The following CEP63 variants were observed in gnomAD, a reference collection of about 807,000 sequenced individuals.
CEP63 encodes centrosomal protein of 63 kDa.
Under a neutral mutation model 89.1 loss-of-function variants are expected in CEP63, and 84 were observed. The ratio of observed to expected loss-of-function variants is 0.94; its 90% CI spans 0.79 to 1.13. CEP63 has a LOEUF of 1.13. CEP63 is among the 50% of genes most tolerant of loss of function. CEP63 has a pLI of 0.00. For synonymous variants in CEP63, 267 were observed against 272.5 expected, an observed-to-expected ratio of 0.98 and a Z score of 0.20; for missense variants, 838 against 813.3, an observed-to-expected ratio of 1.03 and a Z score of -0.37.
chr3:134,518,871 C>T (rs201901340), intron 3 of CEP63, among the ~76,000 whole-genome samples: 94 of 150,898 alleles, frequency 6.2e-4, no homozygotes, highest in East Asian at 3.3e-3. Context: ...CTATTCTCTT[C>T]GAAAAAAATT....
At chr3:134,655,249 A>G in the CEP63 span, among the ~76,000 whole-genome samples, 1 of 152,336 alleles carries the variant, frequency 6.6e-6, no homozygotes, top group South Asian at 2.1e-4. Context: ...GTATAGAAGG[A>G]ACCAGAGCCA....
intron 12 of CEP63, among the ~76,000 whole-genome samples, chr3:134,557,376 GTTTTTTTTTTTTTTTTTT>G (rs199930556): frequency 9.9e-6 from 1 of 101,500 alleles, no homozygotes; most frequent in Non-Finnish European, 1.8e-5. Context: ...TTCATAATTT[GTTTTTTTTTTTTTTTTTT>G]TTTTTTTTTT....
Position 134,521,886 on chromosome 3 carries a change from T to C in CEP63, c.223-9959T>C, listed in dbSNP as rs1947540293. ...TTTTAGTGTTTTTTCAGAATCATTT[T>C]TCCAGAATACTTTTTACCTTTTTGA... On this transcript the variant is annotated intron_variant, in intron 3 of 14. Transcript: ENST00000675561. 2.6e-5 allele frequency among the ~76,000 whole-genome samples: 4 copies of C among 152,324 alleles called. 1 individual carries two copies. The South Asian group carries it at 8.3e-4, about 32-fold the overall frequency.
At chr3:134,771,003 T>C in the CEP63 span, among the ~76,000 whole-genome samples, 8 of 152,202 alleles carry the variant, frequency 5.3e-5, no homozygotes, top group Admixed American at 5.2e-4. Flanking sequence ...TGACAGGAAA[T>C]TTCAATCCAT....
the CEP63 span, chr3:134,603,553 G>C: frequency 6.5e-7 from 1 of 1,543,708 alleles, no homozygotes; most frequent in Middle Eastern, 1.8e-4. Flanking sequence ...TTGGCCCTTT[G>C]GGAGGGTAAG....
At chr3:134,758,309 G>A in the CEP63 span, among the ~76,000 whole-genome samples, 2 of 152,104 alleles carry the variant, frequency 1.3e-5, no homozygotes, top group South Asian at 2.1e-4. Flanking sequence ...ATTACTTTTA[G>A]CCTCTGGACT....
chr3:134,731,456 A>T, the CEP63 span, among the ~76,000 whole-genome samples: 2 of 152,240 alleles, frequency 1.3e-5, no homozygotes, highest in Non-Finnish European at 2.9e-5. Context: ...AACAAACAAA[A>T]TAATTATAAA....
the CEP63 span, among the ~76,000 whole-genome samples, chr3:134,776,694 G>C: frequency 6.6e-6 from 1 of 152,214 alleles, no homozygotes; most frequent in Non-Finnish European, 1.5e-5. Context: ...CTGAGGTGTA[G>C]TGATGGGTAG....
chr3:134,725,112 G>C, the CEP63 span, among the ~76,000 whole-genome samples: 1 of 151,948 alleles, frequency 6.6e-6, no homozygotes, highest in African/African-American at 2.4e-5. Context: ...GCATTATAGA[G>C]GCATGTCAGG....
At chr3:134,608,122 G>A in the CEP63 span, 2 of 1,130,782 alleles carry the variant, frequency 1.8e-6, no homozygotes. Flanking sequence ...ATCCTTGCTG[G>A]TTGGACCACC....
chr3:134,572,764 A>G (rs554522589), intron 11 of CEP63, among the ~76,000 whole-genome samples: 1 of 152,266 alleles, frequency 6.6e-6, no homozygotes, highest in East Asian at 1.9e-4. Context: ...TCTTTTATAT[A>G]TATACCTAGT....
chr3:134,672,704 C>A, the CEP63 span, among the ~76,000 whole-genome samples: 1 of 152,178 alleles, frequency 6.6e-6, no homozygotes. Context: ...CTCTTGTCTT[C>A]CTCTTACTGT....
intron 6 of CEP63, among the ~76,000 whole-genome samples, chr3:134,541,908 C>A (rs1952111248): frequency 6.6e-6 from 1 of 152,010 alleles, no homozygotes; most frequent in South Asian, 2.1e-4. Context: ...AACTGTAATG[C>A]TAGATGTAAC....
At chr3:134,712,034 G>A in the CEP63 span, among the ~76,000 whole-genome samples, 6 of 152,148 alleles carry the variant, frequency 3.9e-5, no homozygotes, top group East Asian at 3.9e-4. Flanking sequence ...GATTACAGGC[G>A]TGAGCCACCA....
intron 10 of CEP63, among the ~76,000 whole-genome samples, chr3:134,584,441 GT>G (rs1168355649): frequency 2.1e-4 from 32 of 152,236 alleles, no homozygotes; most frequent in African/African-American, 7.5e-4. Context: ...TAATCATGTG[GT>G]TTTTGTCGTT....
At chr3:134,709,667 C>T in the CEP63 span, among the ~76,000 whole-genome samples, 8 of 152,208 alleles carry the variant, frequency 5.3e-5, no homozygotes, top group African/African-American at 1.9e-4. Context: ...AGCACTTGCT[C>T]ATAAATATTC....
the CEP63 span, among the ~76,000 whole-genome samples, chr3:134,774,042 A>T: frequency 1.3e-5 from 2 of 152,192 alleles, no homozygotes; most frequent in Admixed American, 1.3e-4. Context: ...GAGTAACAGC[A>T]ATAACAGCTT....
the CEP63 span, among the ~76,000 whole-genome samples, chr3:134,625,751 G>A: frequency 6.6e-6 from 1 of 152,378 alleles, no homozygotes; most frequent in East Asian, 1.9e-4. Flanking sequence ...TCAACCATGT[G>A]TGATGGCGTT....
intron 3 of CEP63, chr3:134,511,361 CTT>C (rs1418840142): frequency 6.4e-6 from 1 of 155,748 alleles, no homozygotes; most frequent in Non-Finnish European, 1.4e-5. Flanking sequence ...GATTTCCACT[CTT>C]TGCCTTTTTG....
Sources: allele counts gnomAD v4.1 joint callset (sites outside exome capture counted in the v4.1 genomes callset), GRCh38; gene constraint gnomAD v4.1.1; transcripts MANE v1.5; gene names NCBI Gene and HGNC (gene_info 2026-07-23, HGNC 2026-07-21).